TXLNA: variants seen among roughly 807,000 people sequenced by gnomAD.
The protein encoded by TXLNA is alpha-taxilin.
Under a neutral mutation model 61.4 loss-of-function variants are expected in TXLNA, and 9 were observed. That is an observed-to-expected ratio of 0.15 (90% CI 0.09 to 0.26). TXLNA has a LOEUF of 0.26. Ranked by LOEUF, TXLNA falls within the 10% of genes least tolerant of loss-of-function variation. TXLNA has a pLI of 1.00. For missense variants in TXLNA, 565 were observed against 688.8 expected, an observed-to-expected ratio of 0.82 and a Z score of 2.01; for synonymous variants, 257 against 267.7, an observed-to-expected ratio of 0.96 and a Z score of 0.39.
In TXLNA at chr1:32,192,993, A is replaced by G. The variant is rs1248611098; in HGVS notation, c.1159-215A>G. Among the ~76,000 whole-genome samples, 1 of 152,186 alleles carries G rather than the reference A, an allele frequency of 6.6e-6. No homozygotes were observed. Among genetic ancestry groups the G allele is most frequent in the Non-Finnish European group, 1.5e-5 (1 of 68,036 alleles). On this transcript the variant is annotated intron_variant, in intron 8 of 10. Transcript: ENST00000373610. This position sits in a 1 kb window ranked among gnomAD's most constrained non-coding sequence, Gnocchi z 4.2. ...GGAACAGAAGAGTTTGAAAATCAAC[A>G]TAAAGGCAAAATAAAAGTCACCCTA... is the stretch of plus-strand genomic sequence containing the variant.
rs1193009814 is a variant in TXLNA, at chr1:32,192,644, G to A, written c.1084-13G>A. ...GGCTTCTGACAGGATCTGGGGTTCT[G>A]TCTTGGAAATAGCTCCTGAAAGAGG... is the stretch of plus-strand genomic sequence containing the variant. On this transcript the variant is annotated splice_polypyrimidine_tract_variant and intron_variant, in intron 7 of 10. Transcript: ENST00000373610. The surrounding 1 kb of genome is among the most constrained non-coding windows in gnomAD (Gnocchi z 4.2). The A allele has an allele frequency of 3.1e-6, 5 of 1,614,224 alleles. No homozygotes were observed. Among genetic ancestry groups the A allele is most frequent in the Non-Finnish European group, 4.2e-6 (5 of 1,180,024 alleles).
Position 32,192,346 on chromosome 1 carries a change from A to G in TXLNA, c.999A>G (p.Gln333=), listed in dbSNP as rs200554186. 29 of 1,614,090 alleles carry G rather than the reference A, an allele frequency of 1.8e-5. No homozygotes were observed. The highest frequency in any genetic ancestry group is 2.3e-5 in the Non-Finnish European group (27 of 1,180,024). The part of the protein sequence containing the change: ...IDKVFKHKDL[Q]QQLVDAKLQQ... Reference sequence around the variant, plus strand: ...AAGTCTTCAAACACAAGGACCTACAACAGCAGCTGGTGGATGCCAAGCTCC... The same window carrying G: ...AAGTCTTCAAACACAAGGACCTACAGCAGCAGCTGGTGGATGCCAAGCTCC... Residue 333 remains glutamine (Q), a synonymous_variant, in exon 7 of 11, where the codon CAA becomes CAG. Transcript: ENST00000373610. This position sits in a 1 kb window ranked among gnomAD's most constrained non-coding sequence, Gnocchi z 4.2.
At chr1:32,181,096 C>G (rs867080475) in intron 2 of TXLNA, 146 bp from the exon 3 acceptor site, 3 of 564,888 alleles carry the variant, frequency 5.3e-6, no homozygotes, top group Non-Finnish European at 5.8e-6. Context: ...CTGAATGATA[C>G]TCCATTCTTG....
In TXLNA at chr1:32,195,977, CTTT is replaced by C. The variant is rs112648110; in HGVS notation, c.*795_*797del. On this transcript the variant is annotated 3_prime_UTR_variant, in exon 11 of 11. Coordinates refer to ENST00000373610, the MANE Select transcript of TXLNA (RefSeq NM_175852.4). The stretch of plus-strand genomic sequence containing the variant: ...GGTGTTTTTTTCTTTATTTCTTTTT[CTTT>C]TTTTTTTTTTTTCTTTTTCTTTTTT... 17 of 155,196 alleles carry C rather than the reference CTTT, an allele frequency of 1.1e-4. No homozygotes were observed. The highest frequency in any genetic ancestry group is 2.1e-4 in the Admixed American group (3 of 14,078). 9.6% of individuals were successfully genotyped at this position (155,196 alleles called of 1,614,324 possible).
At chr1:32,187,270 C>T (rs1215746930) in intron 4 of TXLNA, among the ~76,000 whole-genome samples, 1 of 152,196 alleles carries the variant, frequency 6.6e-6, no homozygotes, top group Non-Finnish European at 1.5e-5. Flanking sequence ...ACATATATTA[C>T]TAAAATTAAT....
intron 4 of TXLNA, among the ~76,000 whole-genome samples, chr1:32,186,695 A>G (rs1642795861): frequency 6.6e-6 from 1 of 152,156 alleles, no homozygotes; most frequent in Non-Finnish European, 1.5e-5. Context: ...AGGATCACAG[A>G]TACTGATTGG....
intron 3 of TXLNA, among the ~76,000 whole-genome samples, chr1:32,184,148 A>G (rs1642732774): frequency 6.6e-6 from 1 of 152,266 alleles, no homozygotes; most frequent in Middle Eastern, 3.4e-3. Flanking sequence ...CTCTATCAGG[A>G]GGGTGGGCCT....
intron 1 of TXLNA, chr1:32,180,101 C>T (rs1642619640): frequency 4.3e-6 from 2 of 465,396 alleles, no homozygotes; most frequent in Non-Finnish European, 7.6e-6. Context: ...GAGGCCTCTT[C>T]CCTCACCCGC....
At chr1:32,185,379 TATGTATG>T (rs1642759875) in intron 4 of TXLNA, among the ~76,000 whole-genome samples, 5 of 150,466 alleles carry the variant, frequency 3.3e-5, no homozygotes, top group Admixed American at 1.3e-4. Context: ...TGTATGTATG[TATGTATG>T]TATTTATTTA....
chr1:32,188,012 AGCTGGT>A lies in TXLNA; in HGVS notation c.659_664del (p.Leu220_Val221del). ...AAGCTCCTACAGAAAAAGCAGAGCC[AGCTGGT>A]GCAAGAGAAGGACCACCTGCGCGGT... On this transcript the variant is annotated inframe_deletion, in exon 5 of 11. Coordinates refer to ENST00000373610, the MANE Select transcript of TXLNA (RefSeq NM_175852.4). 1 of 1,613,422 alleles carries A rather than the reference AGCTGGT, an allele frequency of 6.2e-7. No homozygotes were observed. The highest frequency in any genetic ancestry group is 8.5e-7 in the Non-Finnish European group (1 of 1,179,732).
chr1:32,184,222 T>C (rs545051975), intron 3 of TXLNA, among the ~76,000 whole-genome samples: 20 of 152,308 alleles, frequency 1.3e-4, no homozygotes, highest in Non-Finnish European at 2.6e-4. Context: ...CTTTCTTCTA[T>C]TGGTAGAGCA....
At chr1:32,182,096 G>A (rs1457345172) in intron 3 of TXLNA, among the ~76,000 whole-genome samples, 1 of 123,198 alleles carries the variant, frequency 8.1e-6, no homozygotes, top group Non-Finnish European at 1.7e-5. Flanking sequence ...GGTGCAGTCA[G>A]GCTTTTTTTT....
rs1224430297 is a variant in TXLNA at position 32,197,884 on chromosome 1, TAGG to T, written c.*2692_*2694del. On this transcript the variant is annotated 3_prime_UTR_variant, in exon 11 of 11. Transcript: ENST00000373610. This position sits in a 1 kb window ranked among gnomAD's most constrained non-coding sequence, Gnocchi z 4.6. Reference sequence around the variant, plus strand: ...ATGGGCTGAGCTCAGGCACTTTCTGTAGGAGACTGTTATTTCTGTAAAGATGGT... The same window carrying T: ...ATGGGCTGAGCTCAGGCACTTTCTGTAGACTGTTATTTCTGTAAAGATGGT... The T allele has an allele frequency of 6.6e-6, 1 of 152,214 alleles. No homozygotes were observed. Among genetic ancestry groups the T allele is most frequent in the Non-Finnish European group, 1.5e-5 (1 of 68,028 alleles). 9.4% of individuals were successfully genotyped at this position (152,214 alleles called of 1,614,324 possible). A position where few individuals can be genotyped will look rare whatever the true frequency, so the allele number is the denominator to read the frequency against.
chr1:32,181,171 GCCTGAAAAATCCCAA>G, intron 2 of TXLNA, 56 bp from the exon 3 acceptor site: 1 of 1,345,948 alleles, frequency 7.4e-7, no homozygotes, highest in South Asian at 1.8e-5. Flanking sequence ...GTTTGGCTGG[GCCTGAAAAATCCCAA>G]CCAGTGGTAT....
rs1643035559 is a variant in TXLNA at position 32,196,804 on chromosome 1, G to GA, written c.*1610dup. 6.6e-6 allele frequency: 1 copy of GA among 152,192 alleles called. No individual in the cohort carries two copies. Among genetic ancestry groups the GA allele is most frequent in the Non-Finnish European group, 1.5e-5 (1 of 68,040 alleles). 9.4% of individuals were successfully genotyped at this position (152,192 alleles called of 1,614,324 possible). On this transcript the variant is annotated 3_prime_UTR_variant, in exon 11 of 11. Transcript: ENST00000373610. ...TTTAGCCCTTACCTTAAATCTCTCA[G>GA]ATAAGTTGGTTCACAAAGAATGTTA...
In TXLNA at chr1:32,195,922, CAA is replaced by C. The variant is rs1426359117; in HGVS notation, c.*728_*729del. 1 of 250,322 alleles carries C rather than the reference CAA, an allele frequency of 4.0e-6. No homozygotes were observed. The highest frequency in any genetic ancestry group is 8.3e-6 in the Non-Finnish European group (1 of 120,708). The allele number at this position is 250,322 out of a possible 1,614,324, so 15.5% of individuals were successfully genotyped here. A position where few individuals can be genotyped will look rare whatever the true frequency, so the allele number is the denominator to read the frequency against. On this transcript the variant is annotated 3_prime_UTR_variant, in exon 11 of 11. Coordinates refer to ENST00000373610, the MANE Select transcript of TXLNA (RefSeq NM_175852.4). ...CTCTCTAGCCTGCACAAATGATTGA[CAA>C]GAGATCACCCAAAGGATTATTTCTG...
intron 6 of TXLNA, among the ~76,000 whole-genome samples, chr1:32,190,607 A>G (rs1183715394): frequency 6.6e-6 from 1 of 152,234 alleles, no homozygotes; most frequent in Non-Finnish European, 1.5e-5. Context: ...TTTATGCAGT[A>G]GAACTTCCAA....
At position 32,194,094 on chromosome 1, in the gene TXLNA, A is replaced by G; in HGVS notation, c.1281A>G (p.Lys427=). 1 of 1,613,878 alleles carries G rather than the reference A, an allele frequency of 6.2e-7. No homozygotes were observed. The highest frequency in any genetic ancestry group is 1.1e-5 in the South Asian group (1 of 90,998). Residue 427 remains lysine, a synonymous_variant, in exon 10 of 11, where the codon AAA becomes AAG. Transcript: ENST00000373610. ...KMTKKIKKLE[K]ETTMYRSRWE... is the part of the protein sequence containing the mutation. ...CTAAGAAGATCAAGAAGCTGGAGAA[A>G]GAAACCACCATGTACCGGTCCCGGT...
chr1:32,182,366 G>A (rs72666778), intron 3 of TXLNA, among the ~76,000 whole-genome samples: 2,269 of 152,086 alleles, frequency 0.015, 26 homozygotes, highest in Non-Finnish European at 0.023. Flanking sequence ...GGGTATGTAT[G>A]TTTAAGAGTC....
Sources: gnomAD v4.1 joint callset for allele counts (sites outside exome capture counted in the v4.1 genomes callset) on GRCh38, gnomAD v4.1.1 for gene constraint, Gnocchi (gnomAD v3.1) non-coding constraint, MANE v1.5 for transcripts, NCBI Gene and HGNC (gene_info 2026-07-23, HGNC 2026-07-21) for gene names.